The following CPS1 variants were observed in gnomAD, a reference collection of about 807,000 sequenced individuals.
The protein encoded by CPS1 is carbamoyl-phosphate synthase 1, also known as carbamoyl-phosphate synthase [ammonia], mitochondrial.
Under a neutral mutation model 174.6 loss-of-function variants are expected in CPS1, and 109 were observed. The ratio of observed to expected loss-of-function variants is 0.62; its 90% CI spans 0.53 to 0.73. CPS1 has a LOEUF of 0.73. Ranked by LOEUF, CPS1 falls within the 30% of genes least tolerant of loss-of-function variation. The pLI is 0.00. For synonymous variants in CPS1, 637 were observed against 632.0 expected, an observed-to-expected ratio of 1.01 and a Z score of -0.12; for missense variants, 1,689 against 1,821.9, an observed-to-expected ratio of 0.93 and a Z score of 1.33.
At chr2:210,496,473 T>G (rs986080333) in intron 1 of CPS1, among the ~76,000 whole-genome samples, 5 of 152,158 alleles carry the variant, frequency 3.3e-5, no homozygotes, top group Non-Finnish European at 5.9e-5. Context: ...TGAGTCTTCT[T>G]GAGGAGCTCC....
At chr2:210,640,629 A>G (rs181538112) in intron 24 of CPS1, among the ~76,000 whole-genome samples, 50 of 152,342 alleles carry the variant, frequency 3.3e-4, no homozygotes, top group African/African-American at 1.2e-3. Context: ...AGATGCAAGT[A>G]TGTATTTTAA....
chr2:210,485,421 C>T (rs1212993514), intron 1 of CPS1, among the ~76,000 whole-genome samples: 1 of 151,956 alleles, frequency 6.6e-6, no homozygotes, highest in Non-Finnish European at 1.5e-5. Flanking sequence ...ATAATTCCTC[C>T]TTCCTGTTTT....
Position 210,674,926 on chromosome 2 carries a change from G to C in CPS1, c.4126G>C (p.Gly1376Arg). ...IQQSFRPRFL[G>R]VAEQLHNEGF... Reference sequence around the variant, plus strand: ...GCAATCATTCCGGCCAAGATTCCTTGGTGTGGCTGAACAATTACACAATGA... The same window carrying C: ...GCAATCATTCCGGCCAAGATTCCTTCGTGTGGCTGAACAATTACACAATGA... Residue 1376 changes from glycine (G) to arginine (R), a missense_variant, in exon 35 of 38, where the codon GGT becomes CGT. Coordinates refer to ENST00000233072, the MANE Select transcript of CPS1 (RefSeq NM_001875.5). 4 of 1,613,818 alleles carry C rather than the reference G, an allele frequency of 2.5e-6. No individual in the cohort carries two copies. Among genetic ancestry groups the C allele is most frequent in the Non-Finnish European group, 3.4e-6 (4 of 1,179,808 alleles).
intron 10 of CPS1, among the ~76,000 whole-genome samples, chr2:210,592,280 T>G (rs1311440283): frequency 6.6e-6 from 1 of 152,048 alleles, no homozygotes; most frequent in Non-Finnish European, 1.5e-5. Context: ...TTGTGATTTT[T>G]TTGGGGTTGA....
intron 12 of CPS1, 70 bp downstream of exon 12, chr2:210,594,676 C>T (rs2106116685): frequency 9.2e-7 from 1 of 1,089,802 alleles, no homozygotes; most frequent in Non-Finnish European, 1.4e-6. Context: ...TTTTTAAAAA[C>T]TAAGTGATGT....
At position 210,576,414 on chromosome 2, in the gene CPS1, G is replaced by C; in HGVS notation, c.305G>C (p.Gly102Ala). 1 of 1,613,712 alleles carries C rather than the reference G, an allele frequency of 6.2e-7. No homozygotes were observed. Among genetic ancestry groups the C allele is most frequent in the Non-Finnish European group, 8.5e-7 (1 of 1,179,748 alleles). ...QILTMANPII[G>A]NGGAPDTTAL... Reference sequence around the variant, plus strand: ...CTCACAATGGCCAACCCTATTATTGGGAATGGTGGAGCTCCTGATACTACT... The same window carrying C: ...CTCACAATGGCCAACCCTATTATTGCGAATGGTGGAGCTCCTGATACTACT... Residue 102 changes from glycine (G) to alanine (A), a missense_variant, in exon 3 of 38, where the codon GGG becomes GCG. Physicochemically the swap from Gly to Ala is moderately conservative, Grantham distance 60 (BLOSUM62 0). Transcript: ENST00000233072.
intron 1 of CPS1, among the ~76,000 whole-genome samples, chr2:210,546,502 A>T (rs972336498): frequency 3.3e-5 from 5 of 152,160 alleles, no homozygotes; most frequent in Non-Finnish European, 5.9e-5. Context: ...TACAAACAAG[A>T]TATACATACA....
chr2:210,554,918 A>G (rs1283797008), upstream of CPS1, among the ~76,000 whole-genome samples: 1 of 151,776 alleles, frequency 6.6e-6, no homozygotes, highest in Non-Finnish European at 1.5e-5. Flanking sequence ...GGACTAAGCC[A>G]GTAAGTACTG....
At chr2:210,660,885 A>G (rs995572573) in intron 32 of CPS1, among the ~76,000 whole-genome samples, 3 of 152,248 alleles carry the variant, frequency 2.0e-5, no homozygotes, top group South Asian at 4.1e-4. Context: ...TAACTTCAAA[A>G]TCAATTAGCT....
intron 1 of CPS1, among the ~76,000 whole-genome samples, chr2:210,557,688 T>G (rs1380861464): frequency 6.6e-6 from 1 of 152,102 alleles, no homozygotes; most frequent in East Asian, 1.9e-4. Context: ...TTTAAGTAAT[T>G]ATATTAGCTT....
At chr2:210,519,957 G>A (rs1249896055) in intron 1 of CPS1, among the ~76,000 whole-genome samples, 1 of 151,852 alleles carries the variant, frequency 6.6e-6, no homozygotes, top group Non-Finnish European at 1.5e-5. Flanking sequence ...TCATGTTCCT[G>A]GAAACACATC....
intron 1 of CPS1, among the ~76,000 whole-genome samples, chr2:210,496,983 T>C (rs918789263): frequency 1.3e-5 from 2 of 152,238 alleles, no homozygotes; most frequent in Non-Finnish European, 2.9e-5. Flanking sequence ...CTGTTTTTTA[T>C]CAAATAGGGA....
At chr2:210,535,365 C>T (rs1234303639) in intron 1 of CPS1, among the ~76,000 whole-genome samples, 1 of 152,110 alleles carries the variant, frequency 6.6e-6, no homozygotes, top group East Asian at 1.9e-4. Context: ...ACCCCGTTCC[C>T]CTCCCAATCC....
chr2:210,580,245 A>C lies in CPS1; in HGVS notation c.528+475A>C, dbSNP rs1697875181. ...TTGTAAAATTAATGCATTATCTTTCATGAATGTGCCAAATAAGCCTTGCAT... is the reference window on the plus strand; with the variant it reads ...TTGTAAAATTAATGCATTATCTTTCCTGAATGTGCCAAATAAGCCTTGCAT... On this transcript the variant is annotated intron_variant, in intron 5 of 37. Coordinates refer to ENST00000233072, the MANE Select transcript of CPS1 (RefSeq NM_001875.5). 3.3e-5 allele frequency among the ~76,000 whole-genome samples: 5 copies of C among 152,282 alleles called. No homozygotes were observed. The South Asian group carries it at 6.2e-4, about 19-fold the overall frequency.
At chr2:210,665,812 A>G (rs954360067) in intron 33 of CPS1, among the ~76,000 whole-genome samples, 7 of 147,222 alleles carry the variant, frequency 4.8e-5, no homozygotes, top group African/African-American at 1.8e-4. Context: ...TTATAGCAGC[A>G]TGATTTATAG....
intron 31 of CPS1, 143 bp from the exon 32 acceptor site, chr2:210,660,342 G>A (rs2105922577): frequency 1.2e-6 from 1 of 808,198 alleles, no homozygotes; most frequent in Admixed American, 2.1e-5. Flanking sequence ...AATCCAAGCA[G>A]TAAGGAGAAA....
intron 13 of CPS1, 50 bp from the exon 14 acceptor site, chr2:210,599,322 C>A: frequency 6.4e-7 from 1 of 1,553,636 alleles, no homozygotes; most frequent in Non-Finnish European, 8.9e-7. Flanking sequence ...TGTGGTCATT[C>A]TCTTCTTTAG....
intron 1 of CPS1, among the ~76,000 whole-genome samples, chr2:210,482,717 C>T (rs1363397674): frequency 2.0e-5 from 3 of 151,624 alleles, no homozygotes; most frequent in Non-Finnish European, 4.4e-5. Context: ...AATATAAAAG[C>T]CATGGTTCTA....
At chr2:210,670,027 T>C (rs1192029555) in intron 34 of CPS1, among the ~76,000 whole-genome samples, 2 of 152,110 alleles carry the variant, frequency 1.3e-5, no homozygotes, top group Non-Finnish European at 2.9e-5. Flanking sequence ...GTGGACAGAA[T>C]TTTGCTTTGT....
Sources: allele counts gnomAD v4.1 joint callset (sites outside exome capture counted in the v4.1 genomes callset), GRCh38; gene constraint gnomAD v4.1.1; transcripts MANE v1.5; gene names NCBI Gene and HGNC (gene_info 2026-07-23, HGNC 2026-07-21).